SH3KBP1: variants seen among roughly 807,000 people sequenced by gnomAD.
The protein encoded by SH3KBP1 is SH3 domain containing kinase binding protein 1.
In SH3KBP1, 8 loss-of-function variants were observed where a neutral mutation model predicts 50.1. That is an observed-to-expected ratio of 0.16 (90% CI 0.09 to 0.29). The LOEUF (loss-of-function observed/expected upper bound fraction) is 0.29. Ranked by LOEUF, SH3KBP1 falls within the 10% of genes least tolerant of loss-of-function variation. SH3KBP1 has a pLI of 1.00. For synonymous variants in SH3KBP1, 227 were observed against 218.6 expected (o/e 1.04, Z -0.34); for missense variants, 377 against 535.2 (o/e 0.70, Z 2.92).
At chrX:19,681,542 G>A (rs1166940918) in intron 6 of SH3KBP1, among the ~76,000 whole-genome samples, 3 of 112,378 alleles carry the variant, frequency 2.7e-5, no homozygotes, top group African/African-American at 6.5e-5. Context: ...GTTAGAAGAT[G>A]GTATGTGCCA....
At chrX:19,604,859 ACTTTTCAGCTATAGG>A (rs943248031) in intron 9 of SH3KBP1, among the ~76,000 whole-genome samples, 7 of 112,242 alleles carry the variant, frequency 6.2e-5, no homozygotes, top group African/African-American at 2.3e-4. Flanking sequence ...TTATACAATC[ACTTTTCAGCTATAGG>A]TATTACTTTG....
intron 9 of SH3KBP1, among the ~76,000 whole-genome samples, chrX:19,604,994 T>C (rs1368815688): frequency 1.8e-5 from 2 of 111,672 alleles, no homozygotes; most frequent in Non-Finnish European, 3.8e-5. Flanking sequence ...ATTAGAGAGA[T>C]GCCCATGGGG....
intron 2 of SH3KBP1, among the ~76,000 whole-genome samples, chrX:19,815,473 C>T (rs2067325479): frequency 9.0e-6 from 1 of 111,193 alleles, no homozygotes; most frequent in Admixed American, 9.5e-5. Context: ...CACTACAGAC[C>T]TTATTCCGTT....
intron 2 of SH3KBP1, among the ~76,000 whole-genome samples, chrX:19,753,931 C>T (rs1348004104): frequency 8.9e-6 from 1 of 112,158 alleles, no homozygotes; most frequent in Admixed American, 9.4e-5. Context: ...ATGTCTCACA[C>T]CACAATGGCT....
Position 19,726,478 on chromosome X carries a change from CT to C in SH3KBP1, c.287-19495del, listed in dbSNP as rs57533054. ...TACTGATTGCATTAAGGTCCTAATTCTTTTTTTTTTTAACTTTTATTTTAGG... is the reference window on the plus strand; with the variant it reads ...TACTGATTGCATTAAGGTCCTAATTCTTTTTTTTTTAACTTTTATTTTAGG... On this transcript the variant is annotated intron_variant, in intron 3 of 17. Transcript: ENST00000397821. Among the ~76,000 whole-genome samples the C allele has an allele frequency of 5.9e-3, 614 of 104,939 alleles. 3 individuals are homozygous for C. Among genetic ancestry groups the C allele is most frequent in the Non-Finnish European group, 9.0e-3 (457 of 50,537 alleles). The allele number at this position is 104,939 out of a possible 115,157, so 91.1% of individuals were successfully genotyped here. A position where few individuals can be genotyped will look rare whatever the true frequency, so the allele number is the denominator to read the frequency against.
chrX:19,683,644 T>G (rs1222403298), intron 6 of SH3KBP1, among the ~76,000 whole-genome samples, 179 bp downstream of exon 6: 4 of 110,900 alleles, frequency 3.6e-5, no homozygotes, highest in Non-Finnish European at 7.6e-5. Flanking sequence ...GCATGAGCCT[T>G]TTGAGGGAAG....
intron 8 of SH3KBP1, among the ~76,000 whole-genome samples, chrX:19,618,095 T>C (rs1478311897): frequency 9.1e-6 from 1 of 110,472 alleles, no homozygotes; most frequent in Non-Finnish European, 1.9e-5. Context: ...TAGAAAAAGA[T>C]GTTTCTAGGG....
At chrX:19,828,080 T>A (rs770069263) in intron 2 of SH3KBP1, among the ~76,000 whole-genome samples, 43 of 111,059 alleles carry the variant, frequency 3.9e-4, no homozygotes, top group Non-Finnish European at 6.8e-4. Flanking sequence ...TACTAGGATA[T>A]TTTACAATCC....
chrX:19,832,616 T>G (rs1266634923), intron 2 of SH3KBP1, among the ~76,000 whole-genome samples: 1 of 110,597 alleles, frequency 9.0e-6, no homozygotes, highest in Non-Finnish European at 1.9e-5. Flanking sequence ...AAAATCCACA[T>G]GAGCAGGGAG....
chrX:19,811,649 T>C (rs2067210316), intron 2 of SH3KBP1, among the ~76,000 whole-genome samples: 1 of 112,296 alleles, frequency 8.9e-6, no homozygotes. Flanking sequence ...AATTTACTTT[T>C]TCTTCCATGA....
chrX:19,784,195 AT>A (rs1220364803), intron 2 of SH3KBP1, among the ~76,000 whole-genome samples: 1 of 111,621 alleles, frequency 9.0e-6, no homozygotes, highest in African/African-American at 3.3e-5. Flanking sequence ...TAATTCCAGA[AT>A]TTTCATTTTC....
At chrX:19,695,049 G>T in intron 5 of SH3KBP1, 1 of 1,197,073 alleles carries the variant, frequency 8.4e-7, no homozygotes, top group Non-Finnish European at 1.1e-6. Context: ...AGACCTTCAG[G>T]CCCTGGAGAA....
intron 8 of SH3KBP1, among the ~76,000 whole-genome samples, chrX:19,624,283 AT>A (rs550611828): frequency 2.3e-4 from 25 of 109,716 alleles, no homozygotes; most frequent in African/African-American, 7.9e-4. Flanking sequence ...ATACCTACAG[AT>A]TTTTTTTTTC....
At chrX:19,750,380 TG>T (rs1326710130) in intron 2 of SH3KBP1, among the ~76,000 whole-genome samples, 14 of 111,902 alleles carry the variant, frequency 1.3e-4, no homozygotes, top group African/African-American at 4.6e-4. Flanking sequence ...GAGTACTGCC[TG>T]GATTATAATC....
intron 13 of SH3KBP1, among the ~76,000 whole-genome samples, chrX:19,563,984 T>G (rs1477480846): frequency 9.0e-6 from 1 of 111,573 alleles, no homozygotes; most frequent in Non-Finnish European, 1.9e-5. Context: ...CATGGGTTTT[T>G]GTTTTTTTTT....
chrX:19,822,525 T>C (rs192522514), intron 2 of SH3KBP1, among the ~76,000 whole-genome samples: 34 of 112,495 alleles, frequency 3.0e-4, no homozygotes, highest in African/African-American at 1.0e-3. Context: ...ATTGATTTGC[T>C]GAGATTTTCT....
intron 6 of SH3KBP1, among the ~76,000 whole-genome samples, chrX:19,669,581 A>T (rs1241132266): frequency 1.8e-5 from 2 of 111,186 alleles, no homozygotes; most frequent in East Asian, 5.6e-4. Flanking sequence ...CATTTCCCCA[A>T]GGAAGAAGAT....
At chrX:19,687,485 T>C (rs2063191901) in intron 5 of SH3KBP1, 1 of 543,080 alleles carries the variant, frequency 1.8e-6, no homozygotes, top group Non-Finnish European at 3.2e-6. Context: ...AATAAGTCCA[T>C]GTCCTTGGAT....
intron 6 of SH3KBP1, among the ~76,000 whole-genome samples, chrX:19,682,452 G>A (rs1329489091): frequency 9.1e-6 from 1 of 109,466 alleles, no homozygotes; most frequent in Non-Finnish European, 1.9e-5. Context: ...TGCTGACTGA[G>A]TCAATGGTCG....
Sources: allele counts gnomAD v4.1 joint callset (sites outside exome capture counted in the v4.1 genomes callset), GRCh38; gene constraint gnomAD v4.1.1; transcripts MANE v1.5; gene names NCBI Gene and HGNC (gene_info 2026-07-23, HGNC 2026-07-21).